DCN: variants seen among roughly 807,000 people sequenced by gnomAD.
DCN encodes the protein bone proteoglycan II.
Under a neutral mutation model 36.5 loss-of-function variants are expected in DCN, and 17 were observed. That is an observed-to-expected ratio of 0.47 (90% CI 0.32 to 0.70). DCN has a LOEUF of 0.70. DCN is among the 30% of genes least tolerant of loss of function. The pLI, the probability that DCN is intolerant of heterozygous loss-of-function variation, is 0.04. For missense variants in DCN, 389 were observed against 430.1 expected, an observed-to-expected ratio of 0.90 and a Z score of 0.84; for synonymous variants, 163 against 161.4, an observed-to-expected ratio of 1.01 and a Z score of -0.07.
intron 1 of DCN, among the ~76,000 whole-genome samples, chr12:91,182,084 G>A (rs989038924): frequency 1.3e-5 from 2 of 151,938 alleles, no homozygotes; most frequent in South Asian, 2.1e-4. Context: ...ATTATACAGC[G>A]TTTTTAGTAT....
At chr12:91,162,027 C>G (rs1375229967) in intron 3 of DCN, among the ~76,000 whole-genome samples, 2 of 151,806 alleles carry the variant, frequency 1.3e-5, no homozygotes, top group Non-Finnish European at 2.9e-5. Flanking sequence ...TGCAACCTCC[C>G]CATCCTGGGT....
chr12:91,165,585 GAGAAA>G (rs1287712619), intron 2 of DCN, among the ~76,000 whole-genome samples: 1 of 152,072 alleles, frequency 6.6e-6, no homozygotes, highest in Admixed American at 6.6e-5. Context: ...AATCATAATA[GAGAAA>G]ATTATTAAAT....
At chr12:91,170,490 C>T (rs1431036965) in intron 2 of DCN, among the ~76,000 whole-genome samples, 1 of 152,148 alleles carries the variant, frequency 6.6e-6, no homozygotes. Context: ...CTTTGGGGTG[C>T]TTGTCTACCA....
rs375774029 is a variant in DCN, at chr12:91,158,462, T to C, written c.372A>G (p.Ala124=). The C allele has an allele frequency of 6.2e-7, 1 of 1,608,648 alleles. No homozygotes were observed. The highest frequency in any genetic ancestry group is 8.5e-7 in the Non-Finnish European group (1 of 1,175,066). ...NNKISKVSPG[A]FTPLVKLERL... ...GTTCCAACTTCACCAAAGGTGTAAA[T>C]GCTCCAGGACTAACTTTGCTAATTT... is the stretch of plus-strand genomic sequence containing the variant. The change falls in exon 4 of 8, where the codon GCA becomes GCG. Residue 124 remains alanine (A), a synonymous_variant. Coordinates refer to ENST00000052754, the MANE Select transcript of DCN (RefSeq NM_001920.5).
intron 4 of DCN, among the ~76,000 whole-genome samples, chr12:91,157,730 G>A (rs3138302): frequency 1.3e-5 from 2 of 151,810 alleles, no homozygotes; most frequent in African/African-American, 4.8e-5. Context: ...CCGGGTTCAC[G>A]CCATTCTCCT....
intron 7 of DCN, among the ~76,000 whole-genome samples, chr12:91,149,195 C>G (rs999791386): frequency 6.6e-6 from 1 of 152,042 alleles, no homozygotes; most frequent in Non-Finnish European, 1.5e-5. Context: ...AAATCTTTCA[C>G]AAAATGTTAG....
At chr12:91,166,166 T>G (rs1592697351) in intron 2 of DCN, among the ~76,000 whole-genome samples, 1 of 152,132 alleles carries the variant, frequency 6.6e-6, no homozygotes, top group East Asian at 1.9e-4. Flanking sequence ...GGGTTGCAGG[T>G]GGAATCTTGT....
At position 91,144,553 on chromosome 12, in the gene DCN, T is replaced by G. The variant is rs1248982871; in HGVS notation, c.*1505A>C. The G allele has an allele frequency of 6.6e-6, 1 of 152,196 alleles. No homozygotes were observed. Among genetic ancestry groups the G allele is most frequent in the African/African-American group, 2.4e-5 (1 of 41,456 alleles). The allele number at this position is 152,196 out of a possible 1,614,324, so 9.4% of individuals were successfully genotyped here. On this transcript the variant is annotated 3_prime_UTR_variant, in exon 8 of 8. Transcript: ENST00000052754. ...ATGTGGAAAGATGGAAAAGAGTAAC[T>G]TTCCCTAATGTTAATATTACCTCGG... is the stretch of plus-strand genomic sequence containing the variant.
chr12:91,170,567 C>T (rs2121287261), intron 2 of DCN, among the ~76,000 whole-genome samples: 1 of 152,266 alleles, frequency 6.6e-6, no homozygotes, highest in Middle Eastern at 3.4e-3. Context: ...AATTAGACTC[C>T]TCAAAAACTG....
intron 5 of DCN, among the ~76,000 whole-genome samples, chr12:91,155,433 G>A (rs1214186890): frequency 1.3e-5 from 2 of 152,006 alleles, no homozygotes; most frequent in African/African-American, 4.8e-5. Context: ...AAATGATGAG[G>A]AAAGAATACC....
rs1238048639 is a variant in DCN, at chr12:91,143,815, GATATATATATAAAT to G, written c.*2229_*2242del. Reference sequence around the variant, plus strand: ...ACATATATATGTATATATGCAAAAAGATATATATATAAATATATATATATAAAGATATATATGTG... The same window carrying G: ...ACATATATATGTATATATGCAAAAAGATATATATATAAAGATATATATGTG... On this transcript the variant is annotated 3_prime_UTR_variant, in exon 8 of 8. Transcript: ENST00000052754. The G allele has an allele frequency of 1.4e-5, 2 of 146,444 alleles. No homozygotes were observed. The highest frequency in any genetic ancestry group is 5.0e-5 in the African/African-American group (2 of 40,092). The allele number at this position is 146,444 out of a possible 1,614,324, so 9.1% of individuals were successfully genotyped here.
chr12:91,171,102 T>C (rs1346678040), intron 2 of DCN, among the ~76,000 whole-genome samples: 1 of 152,182 alleles, frequency 6.6e-6, no homozygotes, highest in Non-Finnish European at 1.5e-5. Context: ...GTTCAATTTA[T>C]GTCCAAAAAA....
At position 91,164,678 on chromosome 12, in the gene DCN, G is replaced by C. The variant is rs1301876849; in HGVS notation, c.251C>G (p.Thr84Ser). The change falls in exon 3 of 8, where the codon ACT becomes AGT. Residue 84 changes from threonine to serine, a missense_variant. Transcript: ENST00000052754. ...KVPKDLPPDT[T>S]LLDLQNNKIT... ...TTTGTTGTTTTGCAGGTCTAGCAGA[G>C]TTGTGTCAGGGGGAAGATCCTTTGG... The C allele has an allele frequency of 2.5e-6, 4 of 1,612,598 alleles. No homozygotes were observed. In the East Asian group the frequency reaches 6.7e-5, roughly 27 times the overall value.
At chr12:91,172,669 C>T (rs1361753159) in intron 2 of DCN, 6 of 660,428 alleles carry the variant, frequency 9.1e-6, no homozygotes, top group Admixed American at 4.4e-5. Context: ...CTCAATCAGG[C>T]ATGTTCCCTT....
At position 91,158,524 on chromosome 12, in the gene DCN, G is replaced by T. The variant is rs775738773; in HGVS notation, c.325-15C>A. 5 of 1,334,060 alleles carry T rather than the reference G, an allele frequency of 3.7e-6. No homozygotes were observed. The highest frequency in any genetic ancestry group is 5.4e-6 in the Non-Finnish European group (5 of 924,610). 82.6% of individuals were successfully genotyped at this position (1,334,060 alleles called of 1,614,324 possible). A position where few individuals can be genotyped will look rare whatever the true frequency, so the allele number is the denominator to read the frequency against. ...AGAATCAATGCCTGTAGATAGTGAA[G>T]AAAAACATCTCTTTAAATCCAAAAC... On this transcript the variant is annotated splice_polypyrimidine_tract_variant and intron_variant, in intron 3 of 7. Coordinates refer to ENST00000052754, the MANE Select transcript of DCN (RefSeq NM_001920.5).
rs547492223 is a variant in DCN at position 91,141,431 on chromosome 12, A to G, written c.*4627T>C. ...TAAGTCCTTTTTCCGACCATCCTAT[A>G]TAAAATAGCAAGTCTCACCCCCTTC... is the stretch of plus-strand genomic sequence containing the variant. On this transcript the variant is annotated 3_prime_UTR_variant, in exon 8 of 8. Transcript: ENST00000052754. 1 of 152,130 alleles carries G rather than the reference A, an allele frequency of 6.6e-6. No homozygotes were observed. Among genetic ancestry groups the G allele is most frequent in the South Asian group, 2.1e-4 (1 of 4,816 alleles). The allele number at this position is 152,130 out of a possible 1,614,324, so 9.4% of individuals were successfully genotyped here.
At chr12:91,168,549 G>T (rs779662425) in intron 2 of DCN, among the ~76,000 whole-genome samples, 8 of 152,080 alleles carry the variant, frequency 5.3e-5, no homozygotes, top group Non-Finnish European at 1.0e-4. Flanking sequence ...GTGCCTTTCT[G>T]ATTAATTAAT....
In DCN at chr12:91,143,768, T is replaced by C. The variant is rs544381619; in HGVS notation, c.*2290A>G. ...CCAAAGAAATCAGCTATATTTATCTTTATTTCAAAGGAAATAAAGATACAT... is the reference window on the plus strand; with the variant it reads ...CCAAAGAAATCAGCTATATTTATCTCTATTTCAAAGGAAATAAAGATACAT... On this transcript the variant is annotated 3_prime_UTR_variant, in exon 8 of 8. Coordinates refer to ENST00000052754, the MANE Select transcript of DCN (RefSeq NM_001920.5). 98 of 150,252 alleles carry C rather than the reference T, an allele frequency of 6.5e-4. No individual in the cohort carries two copies. Among genetic ancestry groups the C allele is most frequent in the African/African-American group, 2.3e-3 (94 of 41,082 alleles). The allele number at this position is 150,252 out of a possible 1,614,324, so 9.3% of individuals were successfully genotyped here. A position where few individuals can be genotyped will look rare whatever the true frequency, so the allele number is the denominator to read the frequency against.
At position 91,144,202 on chromosome 12, in the gene DCN, A is replaced by G. The variant is rs923207137; in HGVS notation, c.*1856T>C. 5 of 152,320 alleles carry G rather than the reference A, an allele frequency of 3.3e-5. 1 individual carries two copies. Among genetic ancestry groups the G allele is most frequent in the African/African-American group, 1.2e-4 (5 of 41,574 alleles). 9.4% of individuals were successfully genotyped at this position (152,320 alleles called of 1,614,324 possible). A position where few individuals can be genotyped will look rare whatever the true frequency, so the allele number is the denominator to read the frequency against. On this transcript the variant is annotated 3_prime_UTR_variant, in exon 8 of 8. Transcript: ENST00000052754. ...AAGGCTACAACATGAAGGGTGCGTCACTCAAGGCTACACCATAAAGGGTGA... is the reference window on the plus strand; with the variant it reads ...AAGGCTACAACATGAAGGGTGCGTCGCTCAAGGCTACACCATAAAGGGTGA...
Sources: allele counts gnomAD v4.1 joint callset (sites outside exome capture counted in the v4.1 genomes callset), GRCh38; gene constraint gnomAD v4.1.1; transcripts MANE v1.5; gene names NCBI Gene and HGNC (gene_info 2026-07-23, HGNC 2026-07-21).